Variants in BANK1 observed in about 807,000 individuals in gnomAD.
BANK1 encodes the protein B-cell scaffold protein with ankyrin repeats.
A neutral mutation model predicts 94.5 loss-of-function variants in BANK1; 95 were observed. That is an observed-to-expected ratio of 1.00 (90% CI 0.85 to 1.19). The LOEUF is 1.19. BANK1 is among the 50% of genes most tolerant of loss of function. The pLI is 0.00. For synonymous variants in BANK1, 334 were observed against 308.4 expected (o/e 1.08, Z -0.87); for missense variants, 987 against 932.2 (o/e 1.06, Z -0.77).
At chr4:101,842,653 C>T (rs1016102298) in intron 2 of BANK1, among the ~76,000 whole-genome samples, 28 of 152,258 alleles carry the variant, frequency 1.8e-4, no homozygotes, top group Admixed American at 1.6e-3. Flanking sequence ...TAGATATATA[C>T]GTACTCAAGT....
intron 7 of BANK1, among the ~76,000 whole-genome samples, chr4:102,020,443 G>GT (rs1247116810): frequency 2.6e-5 from 4 of 151,970 alleles, no homozygotes; most frequent in African/African-American, 9.7e-5. Context: ...ATCAGGCTCA[G>GT]TAAAAAATAC....
chr4:101,892,044 C>T (rs547157447), intron 5 of BANK1, among the ~76,000 whole-genome samples: 4 of 151,682 alleles, frequency 2.6e-5, no homozygotes, highest in Non-Finnish European at 4.4e-5. Context: ...AATTTGCGAT[C>T]GTCCAGGTAC....
At chr4:102,043,117 A>G (rs538817562) in intron 10 of BANK1, among the ~76,000 whole-genome samples, 133 of 152,132 alleles carry the variant, frequency 8.7e-4, no homozygotes, top group Non-Finnish European at 1.7e-3. Flanking sequence ...TGGGATGTTC[A>G]TTTTCTAAAG....
At chr4:101,889,116 T>C (rs896558016) in intron 5 of BANK1, among the ~76,000 whole-genome samples, 1 of 152,210 alleles carries the variant, frequency 6.6e-6, no homozygotes, top group Non-Finnish European at 1.5e-5. Context: ...GTAGGTTATA[T>C]AGAAAGGGAC....
At chr4:101,865,132 A>G (rs1728020508) in intron 4 of BANK1, among the ~76,000 whole-genome samples, 1 of 152,128 alleles carries the variant, frequency 6.6e-6, no homozygotes, top group South Asian at 2.1e-4. Flanking sequence ...CAAAGTATGC[A>G]GCACACCAAC....
chr4:101,811,374 T>C (rs1725725926), intron 1 of BANK1, among the ~76,000 whole-genome samples: 1 of 152,116 alleles, frequency 6.6e-6, no homozygotes, highest in Non-Finnish European at 1.5e-5. Flanking sequence ...AAAATTTCAG[T>C]TGGGATAGGA....
chr4:101,844,825 C>T (rs1285891488), intron 2 of BANK1, among the ~76,000 whole-genome samples: 1 of 152,166 alleles, frequency 6.6e-6, no homozygotes, highest in Non-Finnish European at 1.5e-5. Flanking sequence ...ACACCAACCC[C>T]AAACAAGCTT....
At chr4:101,823,657 A>G (rs552015387) in intron 1 of BANK1, among the ~76,000 whole-genome samples, 248 of 152,354 alleles carry the variant, frequency 1.6e-3, no homozygotes, top group African/African-American at 5.9e-3. Flanking sequence ...ACTTCACAAA[A>G]TAATACTGTA....
chr4:101,841,989 A>C (rs1185837143), intron 2 of BANK1, among the ~76,000 whole-genome samples: 2 of 152,202 alleles, frequency 1.3e-5, no homozygotes, highest in African/African-American at 4.8e-5. Flanking sequence ...TGAAAAATAG[A>C]ATAACATAAA....
rs1560603191 is a variant in BANK1 at position 101,855,190 on chromosome 4, G to A, written c.624+1G>A. On this transcript the variant is annotated splice_donor_variant, in intron 3 of 16. Transcript: ENST00000322953. LOFTEE classifies it high-confidence loss of function. The stretch of plus-strand genomic sequence containing the variant: ...GCTTCCCACTGAAATTCCATGTGAG[G>A]TCAGTAAAGATACCTTGTTATTTAA... The A allele has an allele frequency of 2.5e-6, 4 of 1,611,708 alleles. No individual in the cohort carries two copies. Among genetic ancestry groups the A allele is most frequent in the South Asian group, 2.2e-5 (2 of 90,800 alleles).
At chr4:101,838,272 T>G (rs1726906266) in intron 2 of BANK1, among the ~76,000 whole-genome samples, 1 of 152,148 alleles carries the variant, frequency 6.6e-6, no homozygotes, top group Non-Finnish European at 1.5e-5. Flanking sequence ...GGGTAGCTTT[T>G]AAACATATTC....
chr4:102,005,478 G>C (rs1385378224), intron 7 of BANK1, among the ~76,000 whole-genome samples: 3 of 152,026 alleles, frequency 2.0e-5, no homozygotes, highest in Non-Finnish European at 4.4e-5. Context: ...TGTAAACCTT[G>C]CCCTTGAAAA....
intron 3 of BANK1, among the ~76,000 whole-genome samples, chr4:101,856,423 G>T (rs1727683155): frequency 6.6e-6 from 1 of 152,122 alleles, no homozygotes. Flanking sequence ...AGAACTCGTG[G>T]CTCCTACTGA....
At chr4:101,824,656 G>T (rs1388257522) in intron 1 of BANK1, among the ~76,000 whole-genome samples, 2 of 151,818 alleles carry the variant, frequency 1.3e-5, no homozygotes, top group Non-Finnish European at 2.9e-5. Flanking sequence ...ATCCATTATG[G>T]CTGTAACTCA....
intron 11 of BANK1, among the ~76,000 whole-genome samples, chr4:102,053,728 A>G (rs1168738929): frequency 2.0e-5 from 3 of 151,926 alleles, no homozygotes; most frequent in African/African-American, 7.2e-5. Context: ...AAATTTATTT[A>G]TAAGACATGA....
chr4:102,064,809 C>T (rs1485860356), intron 13 of BANK1, among the ~76,000 whole-genome samples: 1 of 152,182 alleles, frequency 6.6e-6, no homozygotes, highest in African/African-American at 2.4e-5. Flanking sequence ...GCCCTGGTCT[C>T]TGCCAGAGGA....
intron 1 of BANK1, among the ~76,000 whole-genome samples, chr4:101,811,908 G>T (rs1214837879): frequency 6.6e-6 from 1 of 151,822 alleles, no homozygotes; most frequent in East Asian, 1.9e-4. Context: ...TAATATGCAA[G>T]TTTTTTTAAG....
chr4:102,011,886 A>G (rs1726523587), intron 7 of BANK1, among the ~76,000 whole-genome samples: 1 of 152,142 alleles, frequency 6.6e-6, no homozygotes, highest in South Asian at 2.1e-4. Context: ...GTAAGATCTA[A>G]GTGTGTACCT....
intron 7 of BANK1, among the ~76,000 whole-genome samples, chr4:101,947,036 A>G (rs1209399605): frequency 6.6e-6 from 1 of 151,724 alleles, no homozygotes; most frequent in Non-Finnish European, 1.5e-5. Context: ...TCATAAATGA[A>G]AGAAAACCTG....
Sources: gnomAD v4.1 joint callset for allele counts (sites outside exome capture counted in the v4.1 genomes callset) on GRCh38, gnomAD v4.1.1 for gene constraint, MANE v1.5 for transcripts, NCBI Gene and HGNC (gene_info 2026-07-23, HGNC 2026-07-21) for gene names.